AUTS2: variants seen among roughly 807,000 people sequenced by gnomAD.
The protein encoded by AUTS2 is autism susceptibility gene 2 protein.
Under a neutral mutation model 112.4 loss-of-function variants are expected in AUTS2, and 17 were observed. The ratio of observed to expected loss-of-function variants is 0.15; its 90% CI spans 0.10 to 0.23. AUTS2 has a LOEUF of 0.23. Ranked by LOEUF, AUTS2 falls within the 10% of genes least tolerant of loss-of-function variation. The pLI, the probability that AUTS2 is intolerant of heterozygous loss-of-function variation, is 1.00. For missense variants in AUTS2, 1,510 were observed against 1,701.6 expected (o/e 0.89, Z 1.98); for synonymous variants, 751 against 702.7 (o/e 1.07, Z -1.09).
chr7:70,150,482 A>AC (rs1265198250), intron 4 of AUTS2, among the ~76,000 whole-genome samples: 1 of 152,220 alleles, frequency 6.6e-6, no homozygotes, highest in African/African-American at 2.4e-5. Context: ...TTCCCAGTAG[A>AC]CATGCTGTTC....
intron 2 of AUTS2, among the ~76,000 whole-genome samples, chr7:69,946,580 A>G (rs2024232): frequency 3.7e-5 from 4 of 107,774 alleles, no homozygotes; most frequent in African/African-American, 1.1e-4. Context: ...ACACACACAC[A>G]CACACACACA....
chr7:70,734,210 C>T (rs1011741365), intron 6 of AUTS2, among the ~76,000 whole-genome samples: 2 of 151,860 alleles, frequency 1.3e-5, no homozygotes, highest in Admixed American at 1.3e-4. Flanking sequence ...GAGGCCGAGG[C>T]GGGCGGATCA....
intron 1 of AUTS2, among the ~76,000 whole-genome samples, chr7:69,728,314 G>T (rs756010952): frequency 6.6e-6 from 1 of 152,192 alleles, no homozygotes; most frequent in African/African-American, 2.4e-5. Context: ...CTGCAGTGCA[G>T]CCAACAAACC....
intron 4 of AUTS2, among the ~76,000 whole-genome samples, chr7:70,283,150 T>C (rs1380109270): frequency 1.3e-5 from 2 of 152,208 alleles, no homozygotes; most frequent in Non-Finnish European, 2.9e-5. Flanking sequence ...ACCTGTATTG[T>C]CAATGTGAGT....
At chr7:70,546,368 C>CG (rs2129513724) in intron 5 of AUTS2, among the ~76,000 whole-genome samples, 1 of 152,236 alleles carries the variant, frequency 6.6e-6, no homozygotes, top group Admixed American at 6.5e-5. Context: ...CGCTTGAACC[C>CG]GGGAGGTGGA....
rs1299232829 is a variant in AUTS2 at position 70,602,162 on chromosome 7, AC to A, written c.691-96406del. ...CATATTGGGGCAAAAGAATTTCAAAACAGCAAAACCTTTGCCATCATCCTCT... is the reference window on the plus strand; with the variant it reads ...CATATTGGGGCAAAAGAATTTCAAAAAGCAAAACCTTTGCCATCATCCTCT... On this transcript the variant is annotated intron_variant, in intron 5 of 18. Coordinates refer to ENST00000342771, the MANE Select transcript of AUTS2 (RefSeq NM_015570.4). Among the ~76,000 whole-genome samples the A allele has an allele frequency of 1.6e-3, 205 of 129,546 alleles. 1 individual carries two copies. Among genetic ancestry groups the A allele is most frequent in the African/African-American group, 4.7e-3 (163 of 34,744 alleles). 85.0% of individuals were successfully genotyped at this position (129,546 alleles called of 152,430 possible).
intron 2 of AUTS2, among the ~76,000 whole-genome samples, chr7:69,952,068 C>A (rs1797048111): frequency 6.6e-6 from 1 of 152,004 alleles, no homozygotes; most frequent in South Asian, 2.1e-4. Flanking sequence ...TTTTTTACTG[C>A]ACTTTTATGG....
Position 69,902,072 on chromosome 7 carries a change from G to GT in AUTS2, c.522+2583dup, listed in dbSNP as rs368479943. On this transcript the variant is annotated intron_variant, in intron 2 of 18. Coordinates refer to ENST00000342771, the MANE Select transcript of AUTS2 (RefSeq NM_015570.4). ...GTGAAGACATTTATTTATTTTTAATGTTTTTTTTTCTTTAAAATTTTGTTT... is the reference window on the plus strand; with the variant it reads ...GTGAAGACATTTATTTATTTTTAATGTTTTTTTTTTCTTTAAAATTTTGTTT... Among the ~76,000 whole-genome samples the GT allele has an allele frequency of 3.0e-3, 456 of 151,216 alleles. 5 individuals are homozygous for GT. Among genetic ancestry groups the GT allele is most frequent in the African/African-American group, 1.0e-2 (412 of 41,258 alleles).
At chr7:70,398,211 C>A (rs1388929421) in intron 4 of AUTS2, among the ~76,000 whole-genome samples, 11 of 152,148 alleles carry the variant, frequency 7.2e-5, no homozygotes, top group Non-Finnish European at 7.4e-5. Context: ...TTATGATATG[C>A]TTGAAATCAG....
intron 6 of AUTS2, among the ~76,000 whole-genome samples, chr7:70,722,143 C>T (rs1786727532): frequency 6.6e-6 from 1 of 152,128 alleles, no homozygotes; most frequent in Admixed American, 6.5e-5. Context: ...CAGTCCCGGC[C>T]CCAACCCCTT....
intron 4 of AUTS2, among the ~76,000 whole-genome samples, chr7:70,175,236 A>G (rs910641227): frequency 7.9e-5 from 12 of 152,216 alleles, no homozygotes; most frequent in Non-Finnish European, 1.6e-4. Flanking sequence ...GAGAACTAGC[A>G]TTAGAATTGG....
At chr7:69,665,498 G>C (rs1420813735) in intron 1 of AUTS2, among the ~76,000 whole-genome samples, 1 of 152,174 alleles carries the variant, frequency 6.6e-6, no homozygotes, top group African/African-American at 2.4e-5. Context: ...CTGAACCACA[G>C]AAGTATATTG....
chr7:69,972,107 G>A (rs1797874593), intron 2 of AUTS2, among the ~76,000 whole-genome samples: 1 of 152,154 alleles, frequency 6.6e-6, no homozygotes, highest in East Asian at 1.9e-4. Context: ...GATGTTGGTG[G>A]TGTTTCTGGT....
intron 2 of AUTS2, among the ~76,000 whole-genome samples, chr7:70,089,879 C>A (rs918289923): frequency 6.6e-6 from 1 of 151,866 alleles, no homozygotes; most frequent in African/African-American, 2.4e-5. Flanking sequence ...TGGTGGTAGG[C>A]GCCTGTAGTC....
rs1379537030 is a variant in AUTS2 at position 69,599,618 on chromosome 7, G to A, written c.-36G>A. The stretch of plus-strand genomic sequence containing the variant: ...TTGTGTGGCTGCGGCCGTAGCCTGT[G>A]GCGGGCAAGCGGGGAGACCCCGGCG... On this transcript the variant is annotated 5_prime_UTR_variant, in exon 1 of 19. Coordinates refer to ENST00000342771, the MANE Select transcript of AUTS2 (RefSeq NM_015570.4). This position sits in a 1 kb window ranked among gnomAD's most constrained non-coding sequence, Gnocchi z 7.0. The A allele has an allele frequency of 7.1e-6, 9 of 1,270,352 alleles. No homozygotes were observed. The highest frequency in any genetic ancestry group is 8.9e-6 in the Non-Finnish European group (9 of 1,010,188). 78.7% of individuals were successfully genotyped at this position (1,270,352 alleles called of 1,614,324 possible). A position where few individuals can be genotyped will look rare whatever the true frequency, so the allele number is the denominator to read the frequency against.
At chr7:70,728,276 A>T (rs191850631) in intron 6 of AUTS2, among the ~76,000 whole-genome samples, 192 of 152,330 alleles carry the variant, frequency 1.3e-3, no homozygotes, top group Admixed American at 3.1e-3. Context: ...GCTTTATGCC[A>T]GCCAAAGTTA....
At chr7:69,761,001 G>A (rs149854902) in intron 1 of AUTS2, among the ~76,000 whole-genome samples, 4 of 152,298 alleles carry the variant, frequency 2.6e-5, no homozygotes, top group African/African-American at 7.2e-5. Context: ...TTTGATGACA[G>A]GTAAATTTTT....
At chr7:70,324,351 C>T (rs192320852) in intron 4 of AUTS2, among the ~76,000 whole-genome samples, 114 of 152,202 alleles carry the variant, frequency 7.5e-4, no homozygotes, top group Non-Finnish European at 5.6e-4. Flanking sequence ...GAAGCTATCA[C>T]TGCAAATATT....
intron 1 of AUTS2, among the ~76,000 whole-genome samples, chr7:69,846,174 A>G (rs1175937833): frequency 2.0e-5 from 3 of 151,688 alleles, no homozygotes; most frequent in East Asian, 1.9e-4. Flanking sequence ...GATATTCACA[A>G]AGTTTACCAC....
Sources: gnomAD v4.1 joint callset for allele counts (sites outside exome capture counted in the v4.1 genomes callset) on GRCh38, gnomAD v4.1.1 for gene constraint, Gnocchi (gnomAD v3.1) non-coding constraint, MANE v1.5 for transcripts, NCBI Gene and HGNC (gene_info 2026-07-23, HGNC 2026-07-21) for gene names.